The following GALNT5 variants were observed in gnomAD, a reference collection of about 807,000 sequenced individuals.
The protein encoded by GALNT5 is polypeptide N-acetylgalactosaminyltransferase 5, also known as UDP-GalNAc:polypeptide N-acetylgalactosaminyltransferase 5.
In GALNT5, 72 loss-of-function variants were observed where a neutral mutation model predicts 85.4. That is an observed-to-expected ratio of 0.84 (90% CI 0.70 to 1.03). GALNT5 has a LOEUF of 1.03. Ranked by LOEUF, GALNT5 falls within the 50% of genes least tolerant of loss-of-function variation. The pLI is 0.00. For synonymous variants in GALNT5, 404 were observed against 397.0 expected (o/e 1.02, Z -0.21); for missense variants, 1,137 against 1,135.5 (o/e 1.00, Z -0.02).
intron 5 of GALNT5, among the ~76,000 whole-genome samples, chr2:157,297,272 GC>G (rs1393729320): frequency 6.6e-6 from 1 of 152,122 alleles, no homozygotes; most frequent in Non-Finnish European, 1.5e-5. Flanking sequence ...AGTCATACCC[GC>G]CTTCCTTGCC....
Position 157,312,228 on chromosome 2 carries a change from A to G in GALNT5, c.*880A>G, listed in dbSNP as rs567855084. On this transcript the variant is annotated 3_prime_UTR_variant, in exon 10 of 10. Coordinates refer to ENST00000259056, the MANE Select transcript of GALNT5 (RefSeq NM_014568.3). ...CAAGTAAGAGGAGTTGAAATGAGTA[A>G]AGCAGAAATAGAGCTGCTGAAAGTT... is the stretch of plus-strand genomic sequence containing the variant. The G allele has an allele frequency of 6.0e-4, 91 of 152,312 alleles. No individual in the cohort carries two copies. The highest frequency in any genetic ancestry group is 2.1e-3 in the African/African-American group (89 of 41,574). The allele number at this position is 152,312 out of a possible 1,614,324, so 9.4% of individuals were successfully genotyped here.
rs1412788028 is a variant in GALNT5 at position 157,259,280 on chromosome 2, G to T, written c.1198G>T (p.Ala400Ser). 1 of 1,610,970 alleles carries T rather than the reference G, an allele frequency of 6.2e-7. No individual in the cohort carries two copies. The highest frequency in any genetic ancestry group is 1.3e-5 in the African/African-American group (1 of 74,888). ...AGCAAAAATCAACATAACTGCCAAAGCCCCCTCTACAGAATACAACCAGAG... is the reference window on the plus strand; with the variant it reads ...AGCAAAAATCAACATAACTGCCAAATCCCCCTCTACAGAATACAACCAGAG... ...EPAKINITAK[A>S]PSTEYNQSHI... Residue 400 changes from alanine (A) to serine (S), a missense_variant, in exon 1 of 10, where the codon GCC (alanine) becomes TCC (serine). By Grantham distance (99) the Ala-to-Ser change is moderately conservative (BLOSUM62 1). Transcript: ENST00000259056.
chr2:157,283,377 T>G (rs1574022226), intron 1 of GALNT5, among the ~76,000 whole-genome samples: 1 of 151,876 alleles, frequency 6.6e-6, no homozygotes, highest in Non-Finnish European at 1.5e-5. Flanking sequence ...AGGCAGGGGG[T>G]GAAAGAATGC....
rs1371364518 is a variant in GALNT5 at position 157,314,298 on chromosome 2, C to T, written c.*2950C>T. The T allele has an allele frequency of 6.6e-6, 1 of 151,958 alleles. No homozygotes were observed. The highest frequency in any genetic ancestry group is 1.5e-5 in the Non-Finnish European group (1 of 68,004). 9.4% of individuals were successfully genotyped at this position (151,958 alleles called of 1,614,324 possible). On this transcript the variant is annotated 3_prime_UTR_variant, in exon 10 of 10. Coordinates refer to ENST00000259056, the MANE Select transcript of GALNT5 (RefSeq NM_014568.3). ...TATTTGACAGCACTAACCAACTTAC[C>T]AAGCCATCTAAGTGCTTCTGAGACT... is the stretch of plus-strand genomic sequence containing the variant.
At position 157,318,005 on chromosome 2, in the gene GALNT5, A is replaced by G. The variant is rs1683756178; in HGVS notation, c.*6657A>G. Among the ~76,000 whole-genome samples, 1 of 152,154 alleles carries G rather than the reference A, an allele frequency of 6.6e-6. No individual in the cohort carries two copies. The highest frequency in any genetic ancestry group is 2.1e-4 in the South Asian group (1 of 4,830). ...TTCTGTCTGATACTTTAATATTGGT[A>G]AATATAGTTTTTGACATTGCATTTT... On this transcript the variant is annotated 3_prime_UTR_variant, in exon 10 of 10. Coordinates refer to ENST00000259056, the MANE Select transcript of GALNT5 (RefSeq NM_014568.3).
intron 1 of GALNT5, among the ~76,000 whole-genome samples, chr2:157,267,727 C>T (rs1159475544): frequency 6.6e-6 from 1 of 152,182 alleles, no homozygotes. Context: ...TGAGTCCTGT[C>T]ACTTTGATGA....
intron 1 of GALNT5, among the ~76,000 whole-genome samples, chr2:157,281,515 G>A (rs1001592101): frequency 2.6e-5 from 4 of 152,132 alleles, no homozygotes; most frequent in Admixed American, 6.5e-5. Flanking sequence ...GTTGGTGAGG[G>A]CTCAGAAGGA....
Position 157,259,520 on chromosome 2 carries a change from G to T in GALNT5, c.1438G>T (p.Asp480Tyr). The T allele has an allele frequency of 1.5e-6, 2 of 1,375,736 alleles. No individual in the cohort carries two copies. Among genetic ancestry groups the T allele is most frequent in the Non-Finnish European group, 9.5e-7 (1 of 1,055,488 alleles). The allele number at this position is 1,375,736 out of a possible 1,614,324, so 85.2% of individuals were successfully genotyped here. ...DLIPVDRAIEDTRPAGCAEQL... is the reference protein window; with the variant it reads ...DLIPVDRAIEYTRPAGCAEQL... ...GATCCCAGTGGATAGAGCCATTGAAGACACCAGACCTGCTGGGTAAGACCT... is the reference window on the plus strand; with the variant it reads ...GATCCCAGTGGATAGAGCCATTGAATACACCAGACCTGCTGGGTAAGACCT... The change falls in exon 1 of 10, where the codon GAC becomes TAC. Residue 480 changes from aspartate (D) to tyrosine (Y), a missense_variant. Coordinates refer to ENST00000259056, the MANE Select transcript of GALNT5 (RefSeq NM_014568.3).
intron 9 of GALNT5, among the ~76,000 whole-genome samples, chr2:157,310,339 TAG>T (rs1683543044): frequency 6.6e-6 from 1 of 152,182 alleles, no homozygotes; most frequent in East Asian, 1.9e-4. Context: ...CTATTGCTAC[TAG>T]GTCTCCCATT....
At chr2:157,266,554 T>C (rs1327618390) in intron 1 of GALNT5, among the ~76,000 whole-genome samples, 1 of 152,212 alleles carries the variant, frequency 6.6e-6, no homozygotes, top group Non-Finnish European at 1.5e-5. Flanking sequence ...TGTATGCATA[T>C]ATGTATGCAT....
Position 157,305,823 on chromosome 2 carries a change from CAAAGAGGTATGCT to C in GALNT5, c.2518_2520+10del, listed in dbSNP as rs762508426. On this transcript the variant is annotated splice_donor_variant and splice_donor_5th_base_variant and coding_sequence_variant and intron_variant, in exon 8 of 10. Transcript: ENST00000259056. LOFTEE classifies it high-confidence loss of function. ...TCATTCTGGAAGACTGCGATGGGAGCAAAGAGGTATGCTAAACTGTTTTCTATCTCATGGTAGC... is the reference window on the plus strand; with the variant it reads ...TCATTCTGGAAGACTGCGATGGGAGCAAACTGTTTTCTATCTCATGGTAGC... 1 of 1,584,372 alleles carries C rather than the reference CAAAGAGGTATGCT, an allele frequency of 6.3e-7. No homozygotes were observed. The highest frequency in any genetic ancestry group is 1.1e-5 in the South Asian group (1 of 90,472).
At chr2:157,264,122 T>C (rs7598086) in intron 1 of GALNT5, among the ~76,000 whole-genome samples, 10,302 of 152,044 alleles carry the variant, frequency 0.068, 1,169 homozygotes, top group African/African-American at 0.23. Flanking sequence ...ATCCTTTCAG[T>C]TCTTGCTCCT....
rs542238421 is a variant in GALNT5 at position 157,282,154 on chromosome 2, G to A, written c.1455-2128G>A. ...GATACCTGATCACTACATGAAGATA[G>A]TGAATCAAAATGTGTTATTTTAATT... is the stretch of plus-strand genomic sequence containing the variant. On this transcript the variant is annotated intron_variant, in intron 1 of 9. Transcript: ENST00000259056. Among the ~76,000 whole-genome samples, 9 of 152,262 alleles carry A rather than the reference G, an allele frequency of 5.9e-5. No individual in the cohort carries two copies. The East Asian group carries it at 1.7e-3, about 29-fold the overall frequency.
chr2:157,309,700 A>C (rs1683527126), intron 9 of GALNT5, among the ~76,000 whole-genome samples: 1 of 152,134 alleles, frequency 6.6e-6, no homozygotes, highest in Non-Finnish European at 1.5e-5. Context: ...TTCTTTTCTC[A>C]ACATTTTTCT....
At position 157,286,093 on chromosome 2, in the gene GALNT5, GCTTAAT is replaced by G; in HGVS notation, c.1701_1706del (p.Leu568_Ile569del). The G allele has an allele frequency of 6.2e-7, 1 of 1,612,980 alleles. No individual in the cohort carries two copies. The highest frequency in any genetic ancestry group is 8.5e-7 in the Non-Finnish European group (1 of 1,178,966). On this transcript the variant is annotated inframe_deletion, in exon 3 of 10. Transcript: ENST00000259056. ...ATTCTTCGCCTCAAAGAGAGACATG[GCTTAAT>G]AAGGGCCAGGCTGGCAGGAGCACAG... is the stretch of plus-strand genomic sequence containing the variant.
intron 1 of GALNT5, among the ~76,000 whole-genome samples, chr2:157,280,721 C>A (rs917260202): frequency 4.6e-5 from 7 of 152,110 alleles, no homozygotes; most frequent in African/African-American, 1.4e-4. Flanking sequence ...ATGTGACCTC[C>A]AATGTTGGAG....
chr2:157,269,648 T>G (rs1284481238), intron 1 of GALNT5, among the ~76,000 whole-genome samples: 3 of 152,160 alleles, frequency 2.0e-5, no homozygotes, highest in Non-Finnish European at 4.4e-5. Flanking sequence ...ATTAGATATT[T>G]GGTGATTAGA....
At position 157,313,170 on chromosome 2, in the gene GALNT5, C is replaced by A. The variant is rs1286709766; in HGVS notation, c.*1822C>A. 3 of 152,038 alleles carry A rather than the reference C, an allele frequency of 2.0e-5. No individual in the cohort carries two copies. Among genetic ancestry groups the A allele is most frequent in the Non-Finnish European group, 4.4e-5 (3 of 67,982 alleles). 9.4% of individuals were successfully genotyped at this position (152,038 alleles called of 1,614,324 possible). A position where few individuals can be genotyped will look rare whatever the true frequency, so the allele number is the denominator to read the frequency against. The stretch of plus-strand genomic sequence containing the variant: ...AATGAACCACATATTTGACATTGGT[C>A]CCAAAAGATTATATTAATAATATGG... On this transcript the variant is annotated 3_prime_UTR_variant, in exon 10 of 10. Coordinates refer to ENST00000259056, the MANE Select transcript of GALNT5 (RefSeq NM_014568.3).
chr2:157,276,321 G>A (rs541629547), intron 1 of GALNT5, among the ~76,000 whole-genome samples: 1 of 152,274 alleles, frequency 6.6e-6, no homozygotes, highest in East Asian at 1.9e-4. Flanking sequence ...TTTGGTATCA[G>A]GATGATGCTG....
Sources: gnomAD v4.1 joint callset for allele counts (sites outside exome capture counted in the v4.1 genomes callset) on GRCh38, gnomAD v4.1.1 for gene constraint, MANE v1.5 for transcripts, NCBI Gene and HGNC (gene_info 2026-07-23, HGNC 2026-07-21) for gene names.